ZNF521: variants seen among roughly 807,000 people sequenced by gnomAD.
ZNF521 encodes the protein LYST-interacting protein 3.
A neutral mutation model predicts 105.5 loss-of-function variants in ZNF521; 14 were observed. That is an observed-to-expected ratio of 0.13 (90% CI 0.09 to 0.21). The LOEUF (loss-of-function observed/expected upper bound fraction) is 0.21. ZNF521 is among the 10% of genes least tolerant of loss of function. The pLI is 1.00. For missense variants in ZNF521, 1,233 were observed against 1,629.7 expected (o/e 0.76, Z 4.19); for synonymous variants, 635 against 606.0 (o/e 1.05, Z -0.70).
At chr18:25,315,087 G>C (rs1484694948) in intron 3 of ZNF521, among the ~76,000 whole-genome samples, 1 of 152,178 alleles carries the variant, frequency 6.6e-6, no homozygotes, top group Admixed American at 6.5e-5. Context: ...AGGGTTTGTG[G>C]ATTAGTAAAA....
chr18:25,087,825 G>T (rs1481041719), intron 7 of ZNF521, among the ~76,000 whole-genome samples: 1 of 152,080 alleles, frequency 6.6e-6, no homozygotes, highest in Non-Finnish European at 1.5e-5. Context: ...ACTTTAATTT[G>T]GATCCACTGA....
At chr18:25,144,350 A>G (rs1217344398) in intron 5 of ZNF521, among the ~76,000 whole-genome samples, 2 of 152,168 alleles carry the variant, frequency 1.3e-5, no homozygotes, top group African/African-American at 4.8e-5. Context: ...AAAGAAGTTC[A>G]TTACCTAAGC....
chr18:25,246,625 C>T (rs978466937), intron 3 of ZNF521, among the ~76,000 whole-genome samples: 11 of 152,212 alleles, frequency 7.2e-5, no homozygotes, highest in African/African-American at 2.2e-4. Flanking sequence ...CCACCCTCCA[C>T]CCTCTCTTAA....
chr18:25,263,364 T>G (rs533744834), intron 3 of ZNF521, among the ~76,000 whole-genome samples: 12 of 152,204 alleles, frequency 7.9e-5, no homozygotes, highest in Non-Finnish European at 1.6e-4. Flanking sequence ...TGCTTTTTTT[T>G]TTGTTTTTTT....
chr18:25,110,318 T>C lies in ZNF521; in HGVS notation c.3659-18237A>G, dbSNP rs529506230. ...GCGGGACTGAGGAGGTGAGGAGAGG[T>C]GGGCCTGCGCCTTGGGTCCTGCCTG... is the stretch of plus-strand genomic sequence containing the variant. On this transcript the variant is annotated intron_variant, in intron 5 of 7. Transcript: ENST00000361524. Among the ~76,000 whole-genome samples the C allele has an allele frequency of 2.0e-5, 3 of 152,182 alleles. No individual in the cohort carries two copies. The South Asian group carries it at 6.2e-4, about 32-fold the overall frequency.
chr18:25,118,320 T>A lies in ZNF521; in HGVS notation c.3659-26239A>T, dbSNP rs113069807. Among the ~76,000 whole-genome samples, 51 of 152,152 alleles carry A rather than the reference T, an allele frequency of 3.4e-4. No homozygotes were observed. The East Asian group carries it at 3.9e-3, about 12-fold the overall frequency. ...CAGACTGATGGGATATTAGACCAGATGAAAGCTTGGGTCTTCAGGGAAGAA... is the reference window on the plus strand; with the variant it reads ...CAGACTGATGGGATATTAGACCAGAAGAAAGCTTGGGTCTTCAGGGAAGAA... On this transcript the variant is annotated intron_variant, in intron 5 of 7. Coordinates refer to ENST00000361524, the MANE Select transcript of ZNF521 (RefSeq NM_015461.3).
intron 5 of ZNF521, among the ~76,000 whole-genome samples, chr18:25,194,270 A>G (rs1032130337): frequency 5.9e-5 from 9 of 151,766 alleles, no homozygotes; most frequent in Admixed American, 2.6e-4. Flanking sequence ...TGAAGTGAGT[A>G]TGAAATAGAA....
chr18:25,244,125 ATAGTGGTAAG>A (rs1401442970), intron 3 of ZNF521, among the ~76,000 whole-genome samples: 2 of 152,164 alleles, frequency 1.3e-5, no homozygotes, highest in East Asian at 3.9e-4. Flanking sequence ...CTTCCTTCCA[ATAGTGGTAAG>A]TAAGGAAATC....
intron 4 of ZNF521, chr18:25,202,469 C>G (rs568076345): frequency 1.3e-5 from 2 of 152,206 alleles, no homozygotes; most frequent in African/African-American, 4.8e-5. Context: ...AACCAATCCC[C>G]CATGGATACC....
At chr18:25,181,389 A>G (rs1382027308) in intron 5 of ZNF521, among the ~76,000 whole-genome samples, 4 of 152,206 alleles carry the variant, frequency 2.6e-5, no homozygotes, top group South Asian at 2.1e-4. Context: ...AACATGCAGC[A>G]TGGAGCAATG....
Position 25,225,397 on chromosome 18 carries a change from T to C in ZNF521, c.2521A>G (p.Asn841Asp), listed in dbSNP as rs770004466. 6 of 1,614,224 alleles carry C rather than the reference T, an allele frequency of 3.7e-6. No individual in the cohort carries two copies. The South Asian group carries it at 6.6e-5, about 18-fold the overall frequency. Residue 841 changes from asparagine to aspartate, a missense_variant, in exon 4 of 8, where the codon AAC (asparagine) becomes GAC (aspartate). By Grantham distance (23) the Asn-to-Asp change is conservative. This residue lies in a region of ZNF521 where 614 missense variants were observed against 751.5 expected (regional missense o/e 0.82). Coordinates refer to ENST00000361524, the MANE Select transcript of ZNF521 (RefSeq NM_015461.3). This position sits in a 1 kb window ranked among gnomAD's most constrained non-coding sequence, Gnocchi z 5.6. ...TCGGAAGCTCCATTTGTTCCACAGT[T>C]GGGTGTCTTGGTTTCGAATACACAG... ...KHCVFETKTP[N>D]CGTNGASEQV...
At position 25,224,389 on chromosome 18, in the gene ZNF521, G is replaced by C; in HGVS notation, c.3529C>G (p.Gln1177Glu). 6.2e-7 allele frequency: 1 copy of C among 1,613,938 alleles called. No individual in the cohort carries two copies. Residue 1177 changes from glutamine (Q) to glutamate (E), a missense_variant, in exon 4 of 8, where the codon CAA (glutamine) becomes GAA (glutamate). Gln to Glu is a conservative substitution (Grantham distance 29, BLOSUM62 2). This residue lies in a region of ZNF521 where 614 missense variants were observed against 751.5 expected (regional missense o/e 0.82). Coordinates refer to ENST00000361524, the MANE Select transcript of ZNF521 (RefSeq NM_015461.3). ...DSNSTQLKTP[Q>E]VSPMPRISPS... ...CTGATTCTGGGCATTGGTGATACTT[G>C]GGGCGTTTTCAACTGTGTGCTGTTG... is the stretch of plus-strand genomic sequence containing the variant.
chr18:25,254,570 C>G (rs1378365103), intron 3 of ZNF521, among the ~76,000 whole-genome samples: 1 of 152,024 alleles, frequency 6.6e-6, no homozygotes, highest in Non-Finnish European at 1.5e-5. Context: ...TGGTAATTTA[C>G]TAGATCAAGG....
At position 25,062,677 on chromosome 18, in the gene ZNF521, A is replaced by G. The variant is rs2032929318; in HGVS notation, c.*35T>C. On this transcript the variant is annotated 3_prime_UTR_variant, in exon 8 of 8. Transcript: ENST00000361524. The stretch of plus-strand genomic sequence containing the variant: ...GTAAAACATGTTCCCTTTTTGTGCC[A>G]CAAAATCAATTCTCCTTGAGAGACT... 1 of 1,546,614 alleles carries G rather than the reference A, an allele frequency of 6.5e-7. No homozygotes were observed. Among genetic ancestry groups the G allele is most frequent in the Non-Finnish European group, 8.7e-7 (1 of 1,149,180 alleles).
At chr18:25,270,320 G>A (rs896267052) in intron 3 of ZNF521, among the ~76,000 whole-genome samples, 3 of 152,140 alleles carry the variant, frequency 2.0e-5, no homozygotes, top group Non-Finnish European at 4.4e-5. Context: ...GGACCAGATG[G>A]ATTCACAGCT....
At chr18:25,250,341 A>G (rs1027890788) in intron 3 of ZNF521, among the ~76,000 whole-genome samples, 2 of 152,198 alleles carry the variant, frequency 1.3e-5, no homozygotes, top group Non-Finnish European at 2.9e-5. Context: ...CTCAGCTTTC[A>G]GCAATTATCC....
chr18:25,078,109 G>A (rs2144154515), intron 7 of ZNF521, among the ~76,000 whole-genome samples: 1 of 152,284 alleles, frequency 6.6e-6, no homozygotes, highest in East Asian at 1.9e-4. Flanking sequence ...CCCCGCTGAT[G>A]GAGGCCTAGG....
chr18:25,180,017 A>G (rs182384498), intron 5 of ZNF521, among the ~76,000 whole-genome samples: 325 of 152,380 alleles, frequency 2.1e-3, no homozygotes, highest in Middle Eastern at 0.014. Flanking sequence ...AAAGTTTACT[A>G]TATAACATAG....
intron 5 of ZNF521, among the ~76,000 whole-genome samples, chr18:25,105,348 T>C (rs1264031867): frequency 2.6e-5 from 4 of 152,188 alleles, no homozygotes; most frequent in African/African-American, 7.2e-5. Flanking sequence ...CTAAATATGA[T>C]CTCATCTTCT....
Sources: gnomAD v4.1 joint callset for allele counts (sites outside exome capture counted in the v4.1 genomes callset) on GRCh38, gnomAD v4.1.1 for gene constraint, gnomAD v4.1.1 regional missense constraint, Gnocchi (gnomAD v3.1) non-coding constraint, MANE v1.5 for transcripts, NCBI Gene and HGNC (gene_info 2026-07-23, HGNC 2026-07-21) for gene names.